Variants in NFIL3 observed in about 807,000 individuals in gnomAD.
NFIL3 encodes nuclear factor interleukin-3-regulated protein.
A neutral mutation model predicts 10.0 loss-of-function variants in NFIL3; 5 were observed. The ratio of observed to expected loss-of-function variants is 0.50; its 90% CI spans 0.26 to 1.06. The LOEUF (loss-of-function observed/expected upper bound fraction) is 1.06. Among genes scored for constraint, NFIL3 ranks in the 50% least tolerant of loss-of-function variants. NFIL3 has a pLI of 0.13. For missense variants in NFIL3, 436 were observed against 547.6 expected (o/e 0.80, Z 2.03); for synonymous variants, 202 against 206.5 (o/e 0.98, Z 0.19).
chr9:91,413,535 G>A (rs1833595994), intron 1 of NFIL3, among the ~76,000 whole-genome samples: 1 of 152,208 alleles, frequency 6.6e-6, no homozygotes, highest in South Asian at 2.1e-4. Flanking sequence ...ACAGGCATGA[G>A]CCACCACGCC....
At chr9:91,474,277 G>A in the NFIL3 span, among the ~76,000 whole-genome samples, 4 of 151,924 alleles carry the variant, frequency 2.6e-5, no homozygotes, top group African/African-American at 9.7e-5. Context: ...GACCTGTCTT[G>A]CACACCTGTA....
At chr9:91,446,072 G>A in the NFIL3 span, among the ~76,000 whole-genome samples, 3 of 152,178 alleles carry the variant, frequency 2.0e-5, no homozygotes, top group Non-Finnish European at 2.9e-5. Context: ...TTTCTCTGGG[G>A]TAGTGCAGTG....
At chr9:91,418,869 T>C (rs1278679836) in intron 1 of NFIL3, among the ~76,000 whole-genome samples, 1 of 141,698 alleles carries the variant, frequency 7.1e-6, no homozygotes, top group Non-Finnish European at 1.5e-5. Flanking sequence ...TTTTTTTTTT[T>C]AACTACAGTA....
the NFIL3 span, among the ~76,000 whole-genome samples, chr9:91,441,212 T>C: frequency 6.6e-6 from 1 of 152,150 alleles, no homozygotes; most frequent in Non-Finnish European, 1.5e-5. Flanking sequence ...ATATTGATAA[T>C]TGTTATGTCC....
At chr9:91,425,441 G>T (rs1423592814), upstream of NFIL3, among the ~76,000 whole-genome samples, 3 of 152,166 alleles carry the variant, frequency 2.0e-5, no homozygotes, top group Non-Finnish European at 4.4e-5. Flanking sequence ...ACGCACTCTT[G>T]TTCGTGATTT....
Position 91,409,294 on chromosome 9 carries a change from C to T in NFIL3, c.*52G>A. 6.7e-7 allele frequency: 1 copy of T among 1,494,272 alleles called. No homozygotes were observed. Among genetic ancestry groups the T allele is most frequent in the South Asian group, 1.3e-5 (1 of 74,412 alleles). The allele number at this position is 1,494,272 out of a possible 1,614,324, so 92.6% of individuals were successfully genotyped here. A position where few individuals can be genotyped will look rare whatever the true frequency, so the allele number is the denominator to read the frequency against. On this transcript the variant is annotated 3_prime_UTR_variant, in exon 2 of 2. Coordinates refer to ENST00000297689, the MANE Select transcript of NFIL3 (RefSeq NM_005384.3). ...ATTCAGCATAATACAAAATGGACTGCTCTATTGCAAATGACATCTTTCTAA... is the reference window on the plus strand; with the variant it reads ...ATTCAGCATAATACAAAATGGACTGTTCTATTGCAAATGACATCTTTCTAA...
the NFIL3 span, among the ~76,000 whole-genome samples, chr9:91,435,603 C>G: frequency 5.9e-4 from 90 of 152,288 alleles, no homozygotes; most frequent in East Asian, 0.017. Flanking sequence ...TTAGAGACAT[C>G]TGCCTGCGCC....
rs772547716 is a variant in NFIL3, at chr9:91,409,455, T to A, written c.1280A>T (p.Asp427Val). 13 of 1,614,188 alleles carry A rather than the reference T, an allele frequency of 8.1e-6. No homozygotes were observed. In the South Asian group the frequency reaches 1.4e-4, roughly 18 times the overall value. ...CTGCTTCAAATACAAGTTCTCTGGG[T>A]CAGAAACTTTGTAGCCACTGTCTTT... ...EMKDSGYKVSDPENLYLKQGI... is the reference protein window; with the variant it reads ...EMKDSGYKVSVPENLYLKQGI... The change falls in exon 2 of 2, where the codon GAC becomes GTC. Residue 427 changes from aspartate to valine, a missense_variant. Transcript: ENST00000297689.
At chr9:91,438,602 T>C in the NFIL3 span, among the ~76,000 whole-genome samples, 1 of 152,204 alleles carries the variant, frequency 6.6e-6, no homozygotes, top group Non-Finnish European at 1.5e-5. Context: ...GTTCAGGCAC[T>C]TTTCCCCTCT....
At chr9:91,415,881 C>A (rs554896329) in intron 1 of NFIL3, among the ~76,000 whole-genome samples, 4 of 152,176 alleles carry the variant, frequency 2.6e-5, no homozygotes, top group Non-Finnish European at 2.9e-5. Flanking sequence ...CCTGCCACAG[C>A]CTCCCAAAGT....
chr9:91,420,651 G>GT (rs1210870876), intron 1 of NFIL3, among the ~76,000 whole-genome samples: 1 of 152,068 alleles, frequency 6.6e-6, no homozygotes, highest in East Asian at 1.9e-4. Flanking sequence ...AGCGGTGTAG[G>GT]GTATGATGCC....
At chr9:91,482,637 T>C in the NFIL3 span, among the ~76,000 whole-genome samples, 1 of 152,046 alleles carries the variant, frequency 6.6e-6, no homozygotes, top group East Asian at 1.9e-4. Context: ...GTAGCTGGGA[T>C]TACAGGCGCC....
At chr9:91,433,310 T>A in the NFIL3 span, among the ~76,000 whole-genome samples, 1 of 152,240 alleles carries the variant, frequency 6.6e-6, no homozygotes, top group Non-Finnish European at 1.5e-5. Flanking sequence ...TCATTATGTT[T>A]CAGTTTCCTC....
chr9:91,418,088 C>T (rs997658763), intron 1 of NFIL3, among the ~76,000 whole-genome samples: 1 of 152,128 alleles, frequency 6.6e-6, no homozygotes, highest in Non-Finnish European at 1.5e-5. Flanking sequence ...AAGAGGTCGT[C>T]AGTGTTTGAA....
the NFIL3 span, among the ~76,000 whole-genome samples, chr9:91,465,175 A>T: frequency 6.6e-6 from 1 of 151,996 alleles, no homozygotes; most frequent in Admixed American, 6.6e-5. Context: ...TACTTCAAAT[A>T]TTTCTTCTTC....
chr9:91,459,326 A>T, the NFIL3 span, among the ~76,000 whole-genome samples: 1 of 152,190 alleles, frequency 6.6e-6, no homozygotes, highest in Non-Finnish European at 1.5e-5. Flanking sequence ...TGCTGGCTAC[A>T]CAAAAGGCAG....
intron 1 of NFIL3, among the ~76,000 whole-genome samples, chr9:91,413,168 G>A (rs1160606799): frequency 6.6e-6 from 1 of 152,110 alleles, no homozygotes; most frequent in African/African-American, 2.4e-5. Flanking sequence ...AACTTTAATA[G>A]GAAATGAAGG....
At chr9:91,425,162 G>A (rs996882601), upstream of NFIL3, among the ~76,000 whole-genome samples, 2 of 152,184 alleles carry the variant, frequency 1.3e-5, no homozygotes, top group Non-Finnish European at 2.9e-5. Flanking sequence ...GGGCTGGGCC[G>A]AGTGCCTCCA....
chr9:91,460,090 TC>T, the NFIL3 span, among the ~76,000 whole-genome samples: 9 of 151,806 alleles, frequency 5.9e-5, no homozygotes, highest in African/African-American at 2.2e-4. Flanking sequence ...GCAACCTCTC[TC>T]CCCAGCCACC....
Sources: allele counts gnomAD v4.1 joint callset (sites outside exome capture counted in the v4.1 genomes callset), GRCh38; gene constraint gnomAD v4.1.1; transcripts MANE v1.5; gene names NCBI Gene and HGNC (gene_info 2026-07-23, HGNC 2026-07-21).